ATXN7: variants seen among roughly 807,000 people sequenced by gnomAD.
ATXN7 encodes ataxin 7, also known as ataxin-7.
In ATXN7, 12 loss-of-function variants were observed where a neutral mutation model predicts 70.5. The observed-to-expected ratio is 0.17, with a 90% CI of 0.11 to 0.28. The LOEUF is 0.28. ATXN7 is among the 10% of genes least tolerant of loss of function. The pLI is 1.00. For missense variants in ATXN7, 1,256 were observed against 1,131.7 expected (o/e 1.11, Z -1.58); for synonymous variants, 498 against 448.7 (o/e 1.11, Z -1.39).
In ATXN7 at chr3:63,912,765, G is replaced by A; in HGVS notation, c.167G>A (p.Arg56Gln). The A allele has an allele frequency of 2.2e-6, 3 of 1,362,560 alleles. No homozygotes were observed. Among genetic ancestry groups the A allele is most frequent in the Non-Finnish European group, 2.8e-6 (3 of 1,057,498 alleles). 84.4% of individuals were successfully genotyped at this position (1,362,560 alleles called of 1,614,324 possible). A position where few individuals can be genotyped will look rare whatever the true frequency, so the allele number is the denominator to read the frequency against. ...QRQQHPPPPP[R>Q]RTRPEDGGPG... ...CAGCAGCACCCGCCACCGCCGCCAC[G>A]GCGCACACGGCCGGAGGACGGCGGG... The change falls in exon 3 of 13, where the codon CGG becomes CAG. Residue 56 changes from arginine (R) to glutamine (Q), a missense_variant. Transcript: ENST00000674280.
intron 1 of ATXN7, chr3:63,864,841 T>G (rs1702358967): frequency 6.6e-6 from 1 of 152,258 alleles, no homozygotes; most frequent in South Asian, 2.1e-4. Context: ...TTGGCATCTC[T>G]TTCCAAAAGT....
At chr3:63,999,382 C>A in intron 12 of ATXN7, 68 bp from the exon 13 acceptor site, 1 of 1,272,246 alleles carries the variant, frequency 7.9e-7, no homozygotes, top group Non-Finnish European at 1.1e-6. Context: ...TGTTTAGAAT[C>A]AATAGAGTGC....
rs2074944367 is a variant in ATXN7 at position 63,951,020 on chromosome 3, T to G, written c.395-1359T>G. Among the ~76,000 whole-genome samples, 4 of 152,302 alleles carry G rather than the reference T, an allele frequency of 2.6e-5. No homozygotes were observed. The South Asian group carries it at 8.3e-4, about 32-fold the overall frequency. On this transcript the variant is annotated intron_variant, in intron 4 of 12. Coordinates refer to ENST00000674280, the MANE Select transcript of ATXN7 (RefSeq NM_001377405.1). Reference sequence around the variant, plus strand: ...GCTATTGACCTTAGACAAAGTACTTTACCTCTCTGTGAGTCAGTTTTCTCT... The same window carrying G: ...GCTATTGACCTTAGACAAAGTACTTGACCTCTCTGTGAGTCAGTTTTCTCT...
Position 63,913,158 on chromosome 3 carries a change from G to A in ATXN7, c.327G>A (p.Gly109=). 2 of 1,613,640 alleles carry A rather than the reference G, an allele frequency of 1.2e-6. No individual in the cohort carries two copies. Among genetic ancestry groups the A allele is most frequent in the Non-Finnish European group, 1.7e-6 (2 of 1,179,804 alleles). ...CTCCTGTGTGTGTATATCTCCTAGG[G>A]ACAGAATTGGACGAAAGTTTCAAGG... ...VEASKLPGKD[G]TELDESFKEF... Residue 109 remains glycine (G), a splice_region_variant and synonymous_variant, in exon 4 of 13, where the codon GGG becomes GGA. Coordinates refer to ENST00000674280, the MANE Select transcript of ATXN7 (RefSeq NM_001377405.1).
intron 4 of ATXN7, among the ~76,000 whole-genome samples, chr3:63,937,309 T>G (rs1385640224): frequency 6.6e-6 from 1 of 152,214 alleles, no homozygotes; most frequent in Non-Finnish European, 1.5e-5. Flanking sequence ...GCGCATAAAG[T>G]TCTTTTTTCT....
chr3:63,935,615 C>T (rs1443387713), intron 4 of ATXN7, among the ~76,000 whole-genome samples: 3 of 152,148 alleles, frequency 2.0e-5, no homozygotes, highest in Non-Finnish European at 4.4e-5. Flanking sequence ...CTGGAACATA[C>T]TGCTTCAAAC....
intron 4 of ATXN7, among the ~76,000 whole-genome samples, chr3:63,943,816 C>G (rs886184316): frequency 6.6e-6 from 1 of 152,220 alleles, no homozygotes; most frequent in South Asian, 2.1e-4. Flanking sequence ...GCAGGGTACT[C>G]TAGACCATGT....
chr3:63,983,446 T>TA (rs1042936979), intron 8 of ATXN7, among the ~76,000 whole-genome samples: 2 of 152,140 alleles, frequency 1.3e-5, no homozygotes, highest in African/African-American at 4.8e-5. Flanking sequence ...AACCACTTTT[T>TA]AAAAAATCTG....
rs1000659190 is a variant in ATXN7 at position 63,866,677 on chromosome 3, C to T, written c.-111+2519C>T. Among the ~76,000 whole-genome samples the T allele has an allele frequency of 3.3e-5, 5 of 152,192 alleles. No homozygotes were observed. In the South Asian group the frequency reaches 1.0e-3, roughly 31 times the overall value. On this transcript the variant is annotated intron_variant, in intron 1 of 12. Transcript: ENST00000674280. Reference sequence around the variant, plus strand: ...CATTGACACAGATCTATTCATTGAACATTTAAGAATTGTCTTTTCATCATA... The same window carrying T: ...CATTGACACAGATCTATTCATTGAATATTTAAGAATTGTCTTTTCATCATA...
chr3:63,897,176 A>G (rs2107260173), intron 1 of ATXN7, among the ~76,000 whole-genome samples: 1 of 152,334 alleles, frequency 6.6e-6, no homozygotes, highest in South Asian at 2.1e-4. Context: ...CATGTTGAAC[A>G]AGAAAACAGC....
chr3:63,936,530 T>TA (rs1253441521), intron 4 of ATXN7, among the ~76,000 whole-genome samples: 1 of 152,216 alleles, frequency 6.6e-6, no homozygotes, highest in Non-Finnish European at 1.5e-5. Context: ...TAGGTGGTCT[T>TA]ACGCTAGTCA....
At chr3:63,892,320 C>T (rs937869746) in intron 1 of ATXN7, among the ~76,000 whole-genome samples, 1 of 151,830 alleles carries the variant, frequency 6.6e-6, no homozygotes, top group East Asian at 1.9e-4. Flanking sequence ...GGGGAACAAA[C>T]TCTCTCTGTT....
chr3:63,963,526 A>C (rs1366728930), intron 5 of ATXN7, among the ~76,000 whole-genome samples: 6 of 152,034 alleles, frequency 3.9e-5, no homozygotes, highest in Non-Finnish European at 8.8e-5. Context: ...TATTTTTCTC[A>C]TGCTTCTAAC....
upstream of ATXN7, chr3:63,863,636 C>T: frequency 8.3e-7 from 1 of 1,206,954 alleles, no homozygotes; most frequent in Non-Finnish European, 1.0e-6. Flanking sequence ...GGGGAGAGGT[C>T]GGGAAGGCCG....
intron 4 of ATXN7, among the ~76,000 whole-genome samples, chr3:63,941,587 T>C (rs1461743249): frequency 2.0e-5 from 3 of 152,220 alleles, no homozygotes; most frequent in African/African-American, 7.2e-5. Context: ...GGACTGCTGC[T>C]GTGGTTTTTG....
chr3:63,963,459 A>G (rs2075165123), intron 5 of ATXN7, among the ~76,000 whole-genome samples: 2 of 152,218 alleles, frequency 1.3e-5, no homozygotes, highest in African/African-American at 2.4e-5. Context: ...AGTCCATGCT[A>G]CGCTATAAAT....
chr3:63,986,451 A>G (rs988889249), intron 8 of ATXN7, among the ~76,000 whole-genome samples: 6 of 152,198 alleles, frequency 3.9e-5, no homozygotes, highest in Non-Finnish European at 8.8e-5. Flanking sequence ...GGCACCGGGA[A>G]CATTCAAGCT....
At chr3:63,990,493 G>T in intron 10 of ATXN7, 119 bp downstream of exon 10, 1 of 1,351,454 alleles carries the variant, frequency 7.4e-7, no homozygotes. Flanking sequence ...CAAGGTGTGA[G>T]AGAAGTTCAA....
rs2107225900 is a variant in ATXN7 at position 63,882,723 on chromosome 3, A to G, written c.-110-15676A>G. ...AATGAATATGTGTTGTTTATTTATC[A>G]GACAGGTTGATTGGGACATAGGTGC... On this transcript the variant is annotated intron_variant, in intron 1 of 12. Coordinates refer to ENST00000674280, the MANE Select transcript of ATXN7 (RefSeq NM_001377405.1). Among the ~76,000 whole-genome samples, 6 of 152,304 alleles carry G rather than the reference A, an allele frequency of 3.9e-5. No homozygotes were observed. In the Middle Eastern group the frequency reaches 0.02, roughly 518 times the overall value.
Sources: gnomAD v4.1 joint callset for allele counts (sites outside exome capture counted in the v4.1 genomes callset) on GRCh38, gnomAD v4.1.1 for gene constraint, MANE v1.5 for transcripts, NCBI Gene and HGNC (gene_info 2026-07-23, HGNC 2026-07-21) for gene names.